TRAK2: variants seen among roughly 807,000 people sequenced by gnomAD.
TRAK2 encodes the protein trafficking kinesin protein 2, also known as trafficking kinesin-binding protein 2.
TRAK2 carries 81 observed loss-of-function variants against 104.6 expected under a neutral mutation model. The observed-to-expected ratio is 0.77, with a 90% confidence interval of 0.65 to 0.93. The LOEUF (loss-of-function observed/expected upper bound fraction) is 0.93, where lower values mean the gene tolerates loss of function less well. Among genes scored for constraint, TRAK2 ranks in the 40% least tolerant of loss-of-function variants. The pLI is 0.00. For missense variants in TRAK2, 1,002 were observed against 1,089.0 expected, an observed-to-expected ratio of 0.92 and a Z score of 1.12; for synonymous variants, 406 against 394.4, an observed-to-expected ratio of 1.03 and a Z score of -0.35.
intron 1 of TRAK2, among the ~76,000 whole-genome samples, chr2:201,423,213 A>G (rs1465264475): frequency 1.3e-5 from 2 of 152,152 alleles, no homozygotes; most frequent in Non-Finnish European, 2.9e-5. Context: ...CTCTGAGATT[A>G]CAGGCATGAG....
intron 1 of TRAK2, among the ~76,000 whole-genome samples, chr2:201,435,035 A>C (rs1158367850): frequency 1.3e-5 from 2 of 152,188 alleles, no homozygotes; most frequent in African/African-American, 4.8e-5. Flanking sequence ...TCAGTCTCAC[A>C]TTCATAAGGC....
intron 1 of TRAK2, among the ~76,000 whole-genome samples, chr2:201,430,324 C>T (rs1030842924): frequency 5.9e-5 from 9 of 152,328 alleles, no homozygotes; most frequent in Middle Eastern, 3.4e-3. Context: ...TCTCAAACTC[C>T]GTGCTGGGAG....
At chr2:201,435,990 A>T (rs527627770) in intron 1 of TRAK2, among the ~76,000 whole-genome samples, 17 of 152,286 alleles carry the variant, frequency 1.1e-4, no homozygotes, top group African/African-American at 3.8e-4. Context: ...AAGGGTCTGG[A>T]CACTCAGCTG....
At chr2:201,427,927 A>G (rs967306014) in intron 1 of TRAK2, among the ~76,000 whole-genome samples, 1 of 152,140 alleles carries the variant, frequency 6.6e-6, no homozygotes, top group Non-Finnish European at 1.5e-5. Context: ...GTGATGATGA[A>G]CATTTTTTCA....
chr2:201,417,392 G>C (rs1951703810), intron 2 of TRAK2, among the ~76,000 whole-genome samples: 1 of 151,438 alleles, frequency 6.6e-6, no homozygotes, highest in Non-Finnish European at 1.5e-5. Context: ...ATATAAAAAA[G>C]ATAATATATC....
At chr2:201,421,713 G>A (rs1036203661) in intron 1 of TRAK2, among the ~76,000 whole-genome samples, 1 of 152,148 alleles carries the variant, frequency 6.6e-6, no homozygotes, top group African/African-American at 2.4e-5. Context: ...CTTTGCTGGA[G>A]ATGGTGTGGA....
chr2:201,388,049 T>A (rs1410404632), intron 12 of TRAK2, 48 bp from the exon 13 acceptor site: 6 of 1,574,940 alleles, frequency 3.8e-6, no homozygotes, highest in South Asian at 1.1e-5. Flanking sequence ...ATCATCAGCA[T>A]GACCCAGACC....
chr2:201,381,983 G>A (rs1163258122), intron 15 of TRAK2, among the ~76,000 whole-genome samples: 1 of 152,120 alleles, frequency 6.6e-6, no homozygotes, highest in African/African-American at 2.4e-5. Context: ...ATATACAGAA[G>A]TGAAGGTGAG....
At chr2:201,434,583 T>C (rs1332488791) in intron 1 of TRAK2, among the ~76,000 whole-genome samples, 2 of 152,058 alleles carry the variant, frequency 1.3e-5, no homozygotes, top group Admixed American at 6.6e-5. Flanking sequence ...TATAAGACCA[T>C]ATAAAGACTT....
At chr2:201,445,491 C>A (rs977955598) in intron 1 of TRAK2, among the ~76,000 whole-genome samples, 1 of 152,166 alleles carries the variant, frequency 6.6e-6, no homozygotes, top group South Asian at 2.1e-4. Flanking sequence ...GCTAAGAAAT[C>A]TAAGAAAATA....
chr2:201,406,469 G>A lies in TRAK2; in HGVS notation c.286+934C>T, dbSNP rs115418039. Among the ~76,000 whole-genome samples the A allele has an allele frequency of 5.3e-3, 807 of 151,944 alleles. 7 individuals are homozygous for A. The highest frequency in any genetic ancestry group is 0.017 in the African/African-American group (718 of 41,436). ...TGAGCAGTAATAAGTTCTAAGAAAC[G>A]ACTAGAAAAAAATTCTAGGAAACTA... On this transcript the variant is annotated intron_variant, in intron 3 of 15. Coordinates refer to ENST00000332624, the MANE Select transcript of TRAK2 (RefSeq NM_015049.3).
rs758790135 is a variant in TRAK2, at chr2:201,397,521, G to A, written c.750C>T (p.Ser250=). The A allele has an allele frequency of 1.2e-5, 19 of 1,612,172 alleles. No individual in the cohort carries two copies. Among genetic ancestry groups the A allele is most frequent in the East Asian group, 2.2e-5 (1 of 44,854 alleles). ...TYEEKEQQLV[S]DCVKELRETN... The stretch of plus-strand genomic sequence containing the variant: ...ACTCACGAAGTTCTTTAACACAGTC[G>A]CTGACAAGCTGTTGTTCCTTTTCTT... Residue 250 remains serine (S), a synonymous_variant, in exon 7 of 16, where the codon AGC becomes AGT. Coordinates refer to ENST00000332624, the MANE Select transcript of TRAK2 (RefSeq NM_015049.3).
chr2:201,404,284 T>G (rs1347121781), intron 3 of TRAK2, among the ~76,000 whole-genome samples: 1 of 152,198 alleles, frequency 6.6e-6, no homozygotes, highest in East Asian at 1.9e-4. Flanking sequence ...GTTTTCGTTG[T>G]TGAAAATATG....
chr2:201,399,850 C>T (rs1478203946), intron 4 of TRAK2, among the ~76,000 whole-genome samples: 2 of 151,942 alleles, frequency 1.3e-5, no homozygotes, highest in African/African-American at 2.4e-5. Context: ...AGGGTCTGTA[C>T]AGTAAAAGCT....
intron 1 of TRAK2, among the ~76,000 whole-genome samples, chr2:201,421,571 G>C (rs376580430): frequency 1.3e-5 from 2 of 151,908 alleles, no homozygotes; most frequent in South Asian, 2.1e-4. Flanking sequence ...CCTGGGGTGG[G>C]GGGGGCAAAA....
chr2:201,381,112 T>G lies in TRAK2; in HGVS notation c.2176A>C (p.Thr726Pro), dbSNP rs1358297070. The change falls in exon 16 of 16, where the codon ACC (threonine) becomes CCC (proline). Residue 726 changes from threonine (T) to proline (P), a missense_variant. Thr to Pro is a conservative substitution (Grantham distance 38). Coordinates refer to ENST00000332624, the MANE Select transcript of TRAK2 (RefSeq NM_015049.3). ...GTTGTAGTGGAATCTCGTCGGTTGG[T>G]GATGGACTCACCAATGCTGAGTCTA... The part of the protein sequence containing the change: ...SYRLSIGESI[T>P]NRRDSTTTFS... 1 of 1,613,950 alleles carries G rather than the reference T, an allele frequency of 6.2e-7. No individual in the cohort carries two copies. The highest frequency in any genetic ancestry group is 1.7e-5 in the Admixed American group (1 of 59,980).
At chr2:201,448,254 T>C (rs768913892) in intron 1 of TRAK2, among the ~76,000 whole-genome samples, 1 of 152,234 alleles carries the variant, frequency 6.6e-6, no homozygotes, top group East Asian at 1.9e-4. Context: ...TCTCAATAAA[T>C]GTTAGATTAC....
chr2:201,392,940 T>C lies in TRAK2; in HGVS notation c.1082A>G (p.Tyr361Cys). 6.2e-7 allele frequency: 1 copy of C among 1,613,514 alleles called. No homozygotes were observed. The highest frequency in any genetic ancestry group is 8.5e-7 in the Non-Finnish European group (1 of 1,179,782). ...AAAAGCTCCATATGATTGGGAGAAG[T>C]AGAGATGAGCAGTAGGGCCAGATCT... ...RSRSGPTAHL[Y>C]FSQSYGAFTG... is the part of the protein sequence containing the mutation. Residue 361 changes from tyrosine to cysteine, a missense_variant, in exon 10 of 16, where the codon TAC (tyrosine) becomes TGC (cysteine). Tyr to Cys is a radical substitution (Grantham distance 194). Transcript: ENST00000332624.
At chr2:201,416,780 G>A (rs1204648511) in intron 2 of TRAK2, among the ~76,000 whole-genome samples, 1 of 151,946 alleles carries the variant, frequency 6.6e-6, no homozygotes, top group Non-Finnish European at 1.5e-5. Context: ...TAAGTTAAAG[G>A]TATGTATTGC....
Sources: gnomAD v4.1 joint callset for allele counts (sites outside exome capture counted in the v4.1 genomes callset) on GRCh38, gnomAD v4.1.1 for gene constraint, MANE v1.5 for transcripts, NCBI Gene and HGNC (gene_info 2026-07-23, HGNC 2026-07-21) for gene names.